Variants in NTRK2 observed in about 807,000 individuals in gnomAD.
The protein encoded by NTRK2 is BDNF/NT-3 growth factors receptor.
A neutral mutation model predicts 94.5 loss-of-function variants in NTRK2; 13 were observed. The ratio of observed to expected loss-of-function variants is 0.14; its 90% CI spans 0.09 to 0.22. The LOEUF is 0.22. Ranked by LOEUF, NTRK2 falls within the 10% of genes least tolerant of loss-of-function variation. The pLI, the probability that NTRK2 is intolerant of heterozygous loss-of-function variation, is 1.00. For synonymous variants in NTRK2, 372 were observed against 407.4 expected (o/e 0.91, Z 1.05); for missense variants, 639 against 1,071.2 (o/e 0.60, Z 5.63).
At chr9:84,730,701 A>G (rs912912012) in intron 9 of NTRK2, among the ~76,000 whole-genome samples, 1 of 129,032 alleles carries the variant, frequency 7.8e-6, no homozygotes, top group African/African-American at 3.1e-5. Context: ...AGATCGCACC[A>G]CTGCACTCCA....
At position 84,675,324 on chromosome 9, in the gene NTRK2, C is replaced by CTTTTTTT. The variant is rs536445167; in HGVS notation, c.212+4385_212+4391dup. On this transcript the variant is annotated intron_variant, in intron 2 of 18. Transcript: ENST00000277120. ...CTCTTCTCCTTTCTTTCTTTCTTTC[C>CTTTTTTT]TTTTTTTTTTTTTTTTTTTTTTTTT... 7.6e-4 allele frequency among the ~76,000 whole-genome samples: 51 copies of CTTTTTTT among 67,324 alleles called. 1 individual carries two copies. The highest frequency in any genetic ancestry group is 1.6e-3 in the East Asian group (3 of 1,888). The allele number at this position is 67,324 out of a possible 152,430, so 44.2% of individuals were successfully genotyped here. A position where few individuals can be genotyped will look rare whatever the true frequency, so the allele number is the denominator to read the frequency against.
chr9:84,704,386 G>A (rs774762340), intron 4 of NTRK2, among the ~76,000 whole-genome samples: 2 of 150,232 alleles, frequency 1.3e-5, no homozygotes, highest in Admixed American at 6.6e-5. Context: ...CTGCCACCAC[G>A]CCAGGCTAAT....
intron 8 of NTRK2, among the ~76,000 whole-genome samples, chr9:84,725,314 G>A (rs963875190): frequency 9.2e-5 from 14 of 152,132 alleles, no homozygotes; most frequent in Admixed American, 6.5e-4. Flanking sequence ...ATCATTGTTA[G>A]TACAATCACT....
At chr9:84,684,941 C>T (rs761665638) in intron 2 of NTRK2, among the ~76,000 whole-genome samples, 14 of 151,912 alleles carry the variant, frequency 9.2e-5, no homozygotes, top group Middle Eastern at 3.2e-3. Flanking sequence ...TCCTTCTCTT[C>T]CTCCTATTTT....
chr9:84,869,194 T>G (rs945910670), intron 14 of NTRK2, among the ~76,000 whole-genome samples: 4 of 152,180 alleles, frequency 2.6e-5, no homozygotes, highest in Non-Finnish European at 4.4e-5. Flanking sequence ...TGTGGAGATT[T>G]TTTGCAAAGG....
intron 6 of NTRK2, among the ~76,000 whole-genome samples, chr9:84,711,589 A>G (rs981983191): frequency 6.6e-6 from 1 of 152,204 alleles, no homozygotes; most frequent in Non-Finnish European, 1.5e-5. Context: ...ATTATGTTTG[A>G]TCTTCTGGCC....
intron 14 of NTRK2, among the ~76,000 whole-genome samples, chr9:84,893,818 A>C (rs2076668024): frequency 6.6e-6 from 1 of 152,170 alleles, no homozygotes; most frequent in Admixed American, 6.5e-5. Context: ...AATGTAGTAA[A>C]AGAGCCACCT....
Position 85,026,320 on chromosome 9 carries a change from T to C in NTRK2, c.*4883T>C, listed in dbSNP as rs893155933. ...CCAGGTCCATGTTTATTTATTTCTT[T>C]AGTCTATGCATTAATGAAAATGATC... On this transcript the variant is annotated 3_prime_UTR_variant, in exon 19 of 19. Transcript: ENST00000277120. 3 of 231,506 alleles carry C rather than the reference T, an allele frequency of 1.3e-5. No individual in the cohort carries two copies. The highest frequency in any genetic ancestry group is 1.8e-4 in the South Asian group (1 of 5,524). 14.3% of individuals were successfully genotyped at this position (231,506 alleles called of 1,614,324 possible).
At chr9:84,782,982 T>C (rs2067748970) in intron 12 of NTRK2, among the ~76,000 whole-genome samples, 1 of 152,144 alleles carries the variant, frequency 6.6e-6, no homozygotes, top group Non-Finnish European at 1.5e-5. Flanking sequence ...ACAATACTTC[T>C]CACATATGAG....
At chr9:84,914,161 T>G (rs536000965) in intron 14 of NTRK2, among the ~76,000 whole-genome samples, 2 of 152,138 alleles carry the variant, frequency 1.3e-5, no homozygotes, top group Non-Finnish European at 2.9e-5. Flanking sequence ...TATCCTCTGG[T>G]TTTTTTGTTT....
At chr9:84,875,543 T>C (rs1431358196) in intron 14 of NTRK2, 1 of 1,063,104 alleles carries the variant, frequency 9.4e-7, no homozygotes, top group African/African-American at 1.6e-5. Flanking sequence ...TTCTTCACCC[T>C]AGCTAGCTCC....
At chr9:84,698,927 G>A (rs1005697365) in intron 2 of NTRK2, among the ~76,000 whole-genome samples, 36 of 152,118 alleles carry the variant, frequency 2.4e-4, no homozygotes, top group African/African-American at 8.5e-4. Context: ...TTCTTAGGGG[G>A]TAGATTTCCT....
At chr9:84,887,491 T>C (rs193123296) in intron 14 of NTRK2, among the ~76,000 whole-genome samples, 140 of 152,362 alleles carry the variant, frequency 9.2e-4, no homozygotes, top group African/African-American at 3.3e-3. Flanking sequence ...AAGAAATTTT[T>C]AAAATATACT....
intron 14 of NTRK2, among the ~76,000 whole-genome samples, chr9:84,892,110 A>G (rs115569619): frequency 6.6e-6 from 1 of 152,170 alleles, no homozygotes; most frequent in East Asian, 1.9e-4. Context: ...CAAATCATAT[A>G]TCTAAATGTA....
chr9:84,793,624 C>A (rs751154651), intron 12 of NTRK2, among the ~76,000 whole-genome samples: 5 of 152,118 alleles, frequency 3.3e-5, no homozygotes, highest in Admixed American at 3.3e-4. Flanking sequence ...GGTTGTTTTC[C>A]TGGATTTGAT....
intron 14 of NTRK2, among the ~76,000 whole-genome samples, chr9:84,870,331 G>GTGTGTATATATATATATATATATATA (rs1349303529): frequency 3.2e-5 from 1 of 31,182 alleles, no homozygotes; most frequent in Non-Finnish European, 6.8e-5. Context: ...GTGTGTGTGT[G>GTGTGTATATATATATATATATATATA]TATATATATA....
At chr9:84,880,891 T>C (rs1447443210) in intron 14 of NTRK2, among the ~76,000 whole-genome samples, 1 of 152,188 alleles carries the variant, frequency 6.6e-6, no homozygotes, top group Non-Finnish European at 1.5e-5. Flanking sequence ...TAGTTTGGAG[T>C]ATGAATTATT....
intron 17 of NTRK2, among the ~76,000 whole-genome samples, chr9:84,970,736 C>A (rs566239492): frequency 6.6e-6 from 1 of 152,220 alleles, no homozygotes; most frequent in Non-Finnish European, 1.5e-5. Flanking sequence ...GGCAATCCCC[C>A]ATCCTATCCA....
intron 12 of NTRK2, among the ~76,000 whole-genome samples, chr9:84,804,111 C>T (rs1185822644): frequency 6.6e-6 from 1 of 151,852 alleles, no homozygotes; most frequent in African/African-American, 2.4e-5. Context: ...TGCTTCATGA[C>T]AAATTTTATT....
Sources: gnomAD v4.1 joint callset for allele counts (sites outside exome capture counted in the v4.1 genomes callset) on GRCh38, gnomAD v4.1.1 for gene constraint, MANE v1.5 for transcripts, NCBI Gene and HGNC (gene_info 2026-07-23, HGNC 2026-07-21) for gene names.